TM9SF3: variants seen among roughly 807,000 people sequenced by gnomAD.
TM9SF3 encodes transmembrane 9 superfamily member 3.
A neutral mutation model predicts 78.6 loss-of-function variants in TM9SF3; 14 were observed. The observed-to-expected ratio is 0.18, with a 90% CI of 0.12 to 0.28. The LOEUF is 0.28. TM9SF3 is among the 10% of genes least tolerant of loss of function. The pLI, the probability that TM9SF3 is intolerant of heterozygous loss-of-function variation, is 1.00. For synonymous variants in TM9SF3, 231 were observed against 241.7 expected (o/e 0.96, Z 0.41); for missense variants, 496 against 721.9 (o/e 0.69, Z 3.59).
intron 2 of TM9SF3, among the ~76,000 whole-genome samples, chr10:96,574,229 A>G (rs1052396263): frequency 6.6e-6 from 1 of 152,194 alleles, no homozygotes; most frequent in East Asian, 1.9e-4. Context: ...ATTTACAAGA[A>G]AAAACCAAAC....
At chr10:96,556,552 A>T (rs1848236400) in intron 5 of TM9SF3, among the ~76,000 whole-genome samples, 2 of 152,168 alleles carry the variant, frequency 1.3e-5, no homozygotes, top group South Asian at 4.1e-4. Context: ...CCTTCTACTT[A>T]AGGAAAACGA....
intron 5 of TM9SF3, among the ~76,000 whole-genome samples, chr10:96,556,724 C>T (rs546538006): frequency 6.6e-6 from 1 of 152,212 alleles, no homozygotes; most frequent in South Asian, 2.1e-4. Flanking sequence ...TTCTTTGCTC[C>T]CTTTAGCAGC....
chr10:96,527,742 A>G (rs1847854479), intron 12 of TM9SF3, among the ~76,000 whole-genome samples: 2 of 152,100 alleles, frequency 1.3e-5, no homozygotes, highest in African/African-American at 4.8e-5. Context: ...TTCCTTTTTC[A>G]TATCTAAGTT....
intron 12 of TM9SF3, 144 bp downstream of exon 12, chr10:96,527,887 T>C: frequency 2.5e-6 from 2 of 796,750 alleles, no homozygotes; most frequent in Non-Finnish European, 3.7e-6. Flanking sequence ...TATGTATCAT[T>C]TTTATAACTG....
At chr10:96,553,826 C>G (rs1848203549) in intron 5 of TM9SF3, among the ~76,000 whole-genome samples, 1 of 152,210 alleles carries the variant, frequency 6.6e-6, no homozygotes, top group South Asian at 2.1e-4. Flanking sequence ...TCACAAGGTA[C>G]TACTCAAAAT....
rs539154946 is a variant in TM9SF3, at chr10:96,562,107, T to C, written c.453A>G (p.Glu151=). Residue 151 remains glutamate, a synonymous_variant, in exon 4 of 15, where the codon GAA becomes GAG. Transcript: ENST00000371142. The part of the protein sequence containing the change: ...GIVGEADENG[E]DYYLWTYKKL... ...TTTTATAGGTCCAAAGATAGTAATC[T>C]TCTCCATTTTCATCAGCCTCACCAA... The C allele has an allele frequency of 6.2e-7, 1 of 1,612,738 alleles. No individual in the cohort carries two copies.
chr10:96,527,187 G>C, intron 14 of TM9SF3, 26 bp downstream of exon 14: 1 of 1,575,474 alleles, frequency 6.3e-7, no homozygotes, highest in Non-Finnish European at 8.7e-7. Flanking sequence ...ATTTACTCAT[G>C]ATGTTCAAAG....
At chr10:96,566,307 A>G (rs1410602161) in intron 2 of TM9SF3, among the ~76,000 whole-genome samples, 2 of 152,208 alleles carry the variant, frequency 1.3e-5, no homozygotes, top group Non-Finnish European at 2.9e-5. Context: ...ATGAAATGCA[A>G]TTTCTCTAAA....
intron 2 of TM9SF3, among the ~76,000 whole-genome samples, chr10:96,569,580 ACTGC>A (rs1293503106): frequency 1.3e-5 from 2 of 152,254 alleles, no homozygotes; most frequent in African/African-American, 4.8e-5. Flanking sequence ...TGTGTCAACA[ACTGC>A]CTTAAATATG....
In TM9SF3 at chr10:96,520,512, T is replaced by C. The variant is rs182285856; in HGVS notation, c.*1751A>G. 1.2e-3 allele frequency: 222 copies of C among 187,506 alleles called. No homozygotes were observed. Among genetic ancestry groups the C allele is most frequent in the African/African-American group, 5.1e-3 (218 of 43,032 alleles). 11.6% of individuals were successfully genotyped at this position (187,506 alleles called of 1,614,324 possible). A position where few individuals can be genotyped will look rare whatever the true frequency, so the allele number is the denominator to read the frequency against. On this transcript the variant is annotated 3_prime_UTR_variant, in exon 15 of 15. Coordinates refer to ENST00000371142, the MANE Select transcript of TM9SF3 (RefSeq NM_020123.4). ...GTAACTATTAATTGCATGATTTTCA[T>C]ATTAAGGTTTAAATACAGGTGTTTT...
chr10:96,553,434 T>C (rs903167641), intron 5 of TM9SF3, among the ~76,000 whole-genome samples: 4 of 152,212 alleles, frequency 2.6e-5, no homozygotes, highest in Admixed American at 6.5e-5. Context: ...GGTTTTCTCA[T>C]CTGGAAAATG....
chr10:96,547,911 C>G lies in TM9SF3; in HGVS notation c.1038G>C (p.Leu346=), dbSNP rs1848121204. ...SPVNGYFGGS[L]YARQGGRRWI... is the part of the protein sequence containing the mutation. ...GTAAGTTACCTCCTTGTCTAGCATACAGACTTCCTCCAAAATAACCATTCA... is the reference window on the plus strand; with the variant it reads ...GTAAGTTACCTCCTTGTCTAGCATAGAGACTTCCTCCAAAATAACCATTCA... The change falls in exon 8 of 15, where the codon CTG becomes CTC. Residue 346 remains leucine (L), a synonymous_variant. Transcript: ENST00000371142. 1 of 1,613,320 alleles carries G rather than the reference C, an allele frequency of 6.2e-7. No homozygotes were observed. Among genetic ancestry groups the G allele is most frequent in the Non-Finnish European group, 8.5e-7 (1 of 1,179,558 alleles).
At chr10:96,530,711 A>AGGCCGGGCGCGGTGGCTC in intron 10 of TM9SF3, 103 bp from the exon 11 acceptor site, 7 of 1,062,734 alleles carry the variant, frequency 6.6e-6, no homozygotes, top group Admixed American at 2.9e-5. Flanking sequence ...AATCATCTCT[A>AGGCCGGGCGCGGTGGCTC]AAGGATAGAA....
At chr10:96,567,365 G>A (rs370071941) in intron 2 of TM9SF3, among the ~76,000 whole-genome samples, 3 of 152,130 alleles carry the variant, frequency 2.0e-5, no homozygotes, top group African/African-American at 7.2e-5. Context: ...GATTACAGGC[G>A]TGAGCCACCG....
chr10:96,526,091 T>C (rs1204979456), intron 14 of TM9SF3, among the ~76,000 whole-genome samples: 1 of 152,096 alleles, frequency 6.6e-6, no homozygotes, highest in Non-Finnish European at 1.5e-5. Context: ...CTGAATCCTC[T>C]TTATAGCCCT....
At chr10:96,531,312 T>C (rs1203264468) in intron 10 of TM9SF3, among the ~76,000 whole-genome samples, 3 of 152,168 alleles carry the variant, frequency 2.0e-5, no homozygotes, top group Non-Finnish European at 2.9e-5. Context: ...ATTCTTCCAC[T>C]GCCTCTTGAA....
At chr10:96,535,095 T>G (rs1847941263) in intron 9 of TM9SF3, among the ~76,000 whole-genome samples, 1 of 152,210 alleles carries the variant, frequency 6.6e-6, no homozygotes, top group African/African-American at 2.4e-5. Flanking sequence ...CATCTTGCCT[T>G]CTGTGCACAT....
rs781341860 is a variant in TM9SF3 at position 96,559,747 on chromosome 10, T to A, written c.583-11A>T. The A allele has an allele frequency of 4.5e-4, 680 of 1,522,142 alleles. No individual in the cohort carries two copies. The highest frequency in any genetic ancestry group is 5.8e-4 in the Non-Finnish European group (653 of 1,124,728). 94.3% of individuals were successfully genotyped at this position (1,522,142 alleles called of 1,614,324 possible). ...CTTTTTCCATTTTACCTAAAAAAAA[T>A]TTTTTCATTTGAAAATAAAGGCCAG... On this transcript the variant is annotated splice_polypyrimidine_tract_variant and intron_variant, in intron 4 of 14. Transcript: ENST00000371142.
At chr10:96,577,298 C>A (rs761803247) in intron 1 of TM9SF3, among the ~76,000 whole-genome samples, 14 of 151,452 alleles carry the variant, frequency 9.2e-5, no homozygotes, top group South Asian at 2.1e-4. Context: ...CATCTCCTTG[C>A]GAGACTTTCA....
Sources: allele counts gnomAD v4.1 joint callset (sites outside exome capture counted in the v4.1 genomes callset), GRCh38; gene constraint gnomAD v4.1.1; transcripts MANE v1.5; gene names NCBI Gene and HGNC (gene_info 2026-07-23, HGNC 2026-07-21).